NAA25: variants seen among roughly 807,000 people sequenced by gnomAD.
NAA25 encodes the protein N-terminal acetyltransferase B complex subunit NAA25.
In NAA25, 30 loss-of-function variants were observed where a neutral mutation model predicts 132.5. That is an observed-to-expected ratio of 0.23 (90% CI 0.17 to 0.31). The LOEUF is 0.31. NAA25 is among the 10% of genes least tolerant of loss of function. The pLI is 1.00. For missense variants in NAA25, 771 were observed against 1,150.4 expected, an observed-to-expected ratio of 0.67 and a Z score of 4.77; for synonymous variants, 359 against 401.9, an observed-to-expected ratio of 0.89 and a Z score of 1.28.
chr12:112,039,241 G>C lies in NAA25; in HGVS notation c.2637C>G (p.Thr879=). Residue 879 remains threonine, a synonymous_variant, in exon 22 of 24, where the codon ACC becomes ACG. Coordinates refer to ENST00000261745, the MANE Select transcript of NAA25 (RefSeq NM_024953.4). Reference sequence around the variant, plus strand: ...TTACTGTTATTACCATGATGATGCTGGTTTCTTTTTTCTTCTTTTTCTTTT... The same window carrying C: ...TTACTGTTATTACCATGATGATGCTCGTTTCTTTTTTCTTCTTTTTCTTTT... ...LQKKKKKKKE[T]SIIMPPVFTS... is the part of the protein sequence containing the mutation. 6.3e-7 allele frequency: 1 copy of C among 1,585,058 alleles called. No homozygotes were observed. The highest frequency in any genetic ancestry group is 8.6e-7 in the Non-Finnish European group (1 of 1,160,550).
At position 112,040,557 on chromosome 12, in the gene NAA25, C is replaced by T. The variant is rs762933878; in HGVS notation, c.2462G>A (p.Gly821Asp). The T allele has an allele frequency of 1.3e-6, 2 of 1,596,738 alleles. No homozygotes were observed. The highest frequency in any genetic ancestry group is 1.7e-6 in the Non-Finnish European group (2 of 1,169,384). ...ACCATCTTTAACTTCTAAGAGGTCA[C>T]CTTTACATTTACTGAAGACATCTGA... Reference protein sequence around the residue: ...QLKDVFSKCKGDLLEVKDGNL... With the variant: ...QLKDVFSKCKDDLLEVKDGNL... Residue 821 changes from glycine (G) to aspartate (D), a missense_variant, in exon 21 of 24, where the codon GGT becomes GAT. Around this residue, in one of 3 missense-constraint regions of NAA25, gnomAD observed 324 missense variants for 400.0 expected, o/e 0.81. Coordinates refer to ENST00000261745, the MANE Select transcript of NAA25 (RefSeq NM_024953.4).
chr12:112,097,024 T>C (rs1271059452), intron 1 of NAA25, among the ~76,000 whole-genome samples: 1 of 152,184 alleles, frequency 6.6e-6, no homozygotes, highest in African/African-American at 2.4e-5. Flanking sequence ...TGCCCTCTTG[T>C]CTGGAAATGG....
chr12:112,033,461 G>T, intron 22 of NAA25, 82 bp from the exon 23 acceptor site: 1 of 1,318,770 alleles, frequency 7.6e-7, no homozygotes, highest in Non-Finnish European at 1.0e-6. Flanking sequence ...TGAAAGATGT[G>T]AGGGAATTTA....
chr12:112,078,808 T>C (rs1285679531), intron 5 of NAA25, 67 bp from the exon 6 acceptor site: 2 of 1,252,214 alleles, frequency 1.6e-6, no homozygotes, highest in East Asian at 2.3e-5. Flanking sequence ...TTAACATTAC[T>C]GTTAATTGGG....
chr12:112,059,887 A>C (rs1036485542), intron 13 of NAA25, among the ~76,000 whole-genome samples: 8 of 151,324 alleles, frequency 5.3e-5, no homozygotes, highest in Non-Finnish European at 1.2e-4. Context: ...AGCTCACTGC[A>C]ACCTCCGCCT....
At chr12:112,059,523 T>C (rs890602072) in intron 13 of NAA25, among the ~76,000 whole-genome samples, 4 of 152,196 alleles carry the variant, frequency 2.6e-5, no homozygotes, top group Non-Finnish European at 5.9e-5. Context: ...CAATCACTCA[T>C]GATGCTTCCT....
chr12:112,092,682 CTT>C (rs34190578), intron 2 of NAA25, among the ~76,000 whole-genome samples: 20 of 145,068 alleles, frequency 1.4e-4, no homozygotes, highest in African/African-American at 3.0e-4. Flanking sequence ...TCTCCCCCCC[CTT>C]TTTTTTTTTT....
intron 13 of NAA25, among the ~76,000 whole-genome samples, chr12:112,057,688 C>T (rs1345089185): frequency 6.6e-6 from 1 of 152,168 alleles, no homozygotes; most frequent in Non-Finnish European, 1.5e-5. Context: ...AACCCCATCC[C>T]TACTAAAAAT....
At chr12:112,038,854 C>T (rs2078262832) in intron 22 of NAA25, among the ~76,000 whole-genome samples, 1 of 152,146 alleles carries the variant, frequency 6.6e-6, no homozygotes, top group African/African-American at 2.4e-5. Context: ...TGGCAGGCGC[C>T]TGTAATCCCA....
intron 1 of NAA25, among the ~76,000 whole-genome samples, chr12:112,105,089 G>A (rs1348394214): frequency 6.6e-6 from 1 of 151,876 alleles, no homozygotes; most frequent in Non-Finnish European, 1.5e-5. Flanking sequence ...GGAGGCCAAG[G>A]CAGGCAGATT....
intron 21 of NAA25, chr12:112,039,990 C>A (rs1359947119): frequency 6.4e-6 from 1 of 155,626 alleles, no homozygotes; most frequent in African/African-American, 2.4e-5. Flanking sequence ...GAACAGTCAA[C>A]AAATATGTGA....
chr12:112,041,074 A>G (rs755079277), intron 20 of NAA25, among the ~76,000 whole-genome samples: 1 of 152,024 alleles, frequency 6.6e-6, no homozygotes, highest in Admixed American at 6.6e-5. Context: ...CCAGCTACTC[A>G]GGAGGCTGAG....
At chr12:112,030,173 A>C (rs2078130435) in intron 23 of NAA25, among the ~76,000 whole-genome samples, 1 of 140,804 alleles carries the variant, frequency 7.1e-6, no homozygotes, top group African/African-American at 2.6e-5. Context: ...AGATCGTGCC[A>C]CTACACACCA....
intron 20 of NAA25, among the ~76,000 whole-genome samples, chr12:112,041,191 C>CT (rs199938023): frequency 0.036 from 5,111 of 142,358 alleles, 112 homozygotes; most frequent in South Asian, 0.059. Flanking sequence ...TAAAAAGACA[C>CT]TTTTTTTTTT....
chr12:112,068,160 T>C (rs899828459), intron 11 of NAA25, among the ~76,000 whole-genome samples: 1 of 152,140 alleles, frequency 6.6e-6, no homozygotes, highest in African/African-American at 2.4e-5. Context: ...CGCCTCAGTC[T>C]CCCAAGTAGC....
At chr12:112,053,471 T>A in intron 15 of NAA25, 87 bp downstream of exon 15, 1 of 964,068 alleles carries the variant, frequency 1.0e-6, no homozygotes, top group African/African-American at 1.6e-5. Flanking sequence ...CACCTTAACA[T>A]GTGTACTTGT....
intron 13 of NAA25, among the ~76,000 whole-genome samples, chr12:112,058,951 G>A (rs191925839): frequency 3.8e-4 from 58 of 151,758 alleles, no homozygotes; most frequent in African/African-American, 1.3e-3. Context: ...CCAGCTACTC[G>A]TAGTCCCAGC....
In NAA25 at chr12:112,042,063, TA is replaced by T; in HGVS notation, c.2415del (p.Phe805LeufsTer5). 1 of 1,485,130 alleles carries T rather than the reference TA, an allele frequency of 6.7e-7. No homozygotes were observed. The highest frequency in any genetic ancestry group is 8.9e-7 in the Non-Finnish European group (1 of 1,119,826). The allele number at this position is 1,485,130 out of a possible 1,614,324, so 92.0% of individuals were successfully genotyped here. A position where few individuals can be genotyped will look rare whatever the true frequency, so the allele number is the denominator to read the frequency against. ...CCTTTTAACTGGTCTAGTAAAGACT[TA>T]AAACTATTTTCTATTCGTTCCTGAA... Reference protein sequence around the residue: ...MEIQERIENSFKSLLDQLKDV... With the variant: ...MEIQERIENSXKSLLDQLKDV... On this transcript the variant is annotated frameshift_variant, in exon 20 of 24. Transcript: ENST00000261745. LOFTEE classifies it high-confidence loss of function.
intron 9 of NAA25, 37 bp from the exon 10 acceptor site, chr12:112,072,101 T>C (rs1320352060): frequency 1.3e-6 from 2 of 1,562,034 alleles, no homozygotes; most frequent in Non-Finnish European, 1.7e-6. Context: ...TTTTATTGCC[T>C]CTATTGTCCT....
Sources: gnomAD v4.1 joint callset for allele counts (sites outside exome capture counted in the v4.1 genomes callset) on GRCh38, gnomAD v4.1.1 for gene constraint, gnomAD v4.1.1 regional missense constraint, MANE v1.5 for transcripts, NCBI Gene and HGNC (gene_info 2026-07-23, HGNC 2026-07-21) for gene names.